The following CDKAL1 variants were observed in gnomAD, a reference collection of about 807,000 sequenced individuals.
CDKAL1 encodes the protein threonylcarbamoyladenosine tRNA methylthiotransferase.
Under a neutral mutation model 68.2 loss-of-function variants are expected in CDKAL1, and 32 were observed. The observed-to-expected ratio is 0.47, with a 90% CI of 0.35 to 0.63. The LOEUF (loss-of-function observed/expected upper bound fraction) is 0.63. Among genes scored for constraint, CDKAL1 ranks in the 30% least tolerant of loss-of-function variants. The probability of loss-of-function intolerance (pLI) is 0.00; values close to 1 mark genes in which losing one functional copy is unlikely to be tolerated. For synonymous variants in CDKAL1, 234 were observed against 244.3 expected, an observed-to-expected ratio of 0.96 and a Z score of 0.39; for missense variants, 606 against 696.7, an observed-to-expected ratio of 0.87 and a Z score of 1.47.
At chr6:20,934,487 T>G (rs991308697) in intron 9 of CDKAL1, among the ~76,000 whole-genome samples, 30 of 152,090 alleles carry the variant, frequency 2.0e-4, no homozygotes, top group African/African-American at 7.2e-4. Flanking sequence ...TGTTTCTCAT[T>G]TTCTTAGTTG....
intron 2 of CDKAL1, among the ~76,000 whole-genome samples, chr6:20,538,855 T>G (rs1444985899): frequency 6.6e-6 from 1 of 152,232 alleles, no homozygotes; most frequent in Non-Finnish European, 1.5e-5. Flanking sequence ...ATTGTGTTCA[T>G]TCATTTAGTC....
chr6:20,636,061 T>C (rs569117827), intron 4 of CDKAL1, among the ~76,000 whole-genome samples: 2 of 152,260 alleles, frequency 1.3e-5, no homozygotes, highest in East Asian at 3.9e-4. Flanking sequence ...CCTCTGGGTA[T>C]AGGGAGGGCA....
chr6:20,882,727 A>G (rs1044826893), intron 9 of CDKAL1, among the ~76,000 whole-genome samples: 2 of 152,184 alleles, frequency 1.3e-5, no homozygotes, highest in African/African-American at 2.4e-5. Context: ...TGGGGCAATT[A>G]TGAATAAAGC....
chr6:20,856,904 T>C (rs1439542732), intron 9 of CDKAL1, among the ~76,000 whole-genome samples: 1 of 152,228 alleles, frequency 6.6e-6, no homozygotes, highest in Non-Finnish European at 1.5e-5. Flanking sequence ...CAGCCTTTAT[T>C]GATTCCGCAG....
chr6:21,155,792 A>G (rs945433153), intron 13 of CDKAL1, among the ~76,000 whole-genome samples: 2 of 152,230 alleles, frequency 1.3e-5, no homozygotes, highest in Non-Finnish European at 2.9e-5. Context: ...GCAGCCTGAC[A>G]GTGTGTGTCC....
At chr6:21,117,522 A>G (rs963585937) in intron 13 of CDKAL1, among the ~76,000 whole-genome samples, 1 of 151,782 alleles carries the variant, frequency 6.6e-6, no homozygotes, top group Admixed American at 6.6e-5. Flanking sequence ...GGGCGCCTGT[A>G]GCTACTTGGG....
chr6:20,638,571 T>C (rs972491365), intron 4 of CDKAL1, among the ~76,000 whole-genome samples: 6 of 151,794 alleles, frequency 4.0e-5, no homozygotes, highest in African/African-American at 1.5e-4. Flanking sequence ...TCTTGGTTTA[T>C]AAAACTTTTT....
chr6:21,219,877 A>G (rs927201934), intron 15 of CDKAL1, among the ~76,000 whole-genome samples: 4 of 152,228 alleles, frequency 2.6e-5, no homozygotes, highest in African/African-American at 9.6e-5. Flanking sequence ...ATGAAGTTTA[A>G]TACACCCAAT....
chr6:21,020,962 T>C (rs1317828456), intron 11 of CDKAL1, among the ~76,000 whole-genome samples: 1 of 152,096 alleles, frequency 6.6e-6, no homozygotes, highest in African/African-American at 2.4e-5. Flanking sequence ...AGAGAAAGAA[T>C]GCTAAAGCAA....
At chr6:20,578,844 C>G (rs1765021235) in intron 4 of CDKAL1, among the ~76,000 whole-genome samples, 1 of 152,126 alleles carries the variant, frequency 6.6e-6, no homozygotes, top group African/African-American at 2.4e-5. Flanking sequence ...GGACTAAGTA[C>G]TAAGCATTGT....
At chr6:20,841,026 G>A (rs114217216) in intron 8 of CDKAL1, among the ~76,000 whole-genome samples, 3,933 of 152,236 alleles carry the variant, frequency 0.026, 183 homozygotes, top group African/African-American at 0.089. Flanking sequence ...GTGGAGACAA[G>A]GTCTCACTAT....
At chr6:21,042,143 G>C (rs1311833903) in intron 11 of CDKAL1, among the ~76,000 whole-genome samples, 4 of 152,076 alleles carry the variant, frequency 2.6e-5, no homozygotes, top group Admixed American at 2.6e-4. Flanking sequence ...AGGCACTCAA[G>C]TCTTAATCCA....
intron 8 of CDKAL1, among the ~76,000 whole-genome samples, chr6:20,815,311 AG>A (rs1211319345): frequency 6.6e-6 from 1 of 152,146 alleles, no homozygotes; most frequent in African/African-American, 2.4e-5. Flanking sequence ...TAGTTTATAT[AG>A]TACTTGTATG....
chr6:21,114,817 A>G (rs1774325750), intron 13 of CDKAL1, among the ~76,000 whole-genome samples: 1 of 152,236 alleles, frequency 6.6e-6, no homozygotes, highest in African/African-American at 2.4e-5. Context: ...GTAGTGTATC[A>G]GGACAATGAA....
intron 11 of CDKAL1, among the ~76,000 whole-genome samples, chr6:21,063,395 A>G (rs1162384895): frequency 6.6e-6 from 1 of 152,238 alleles, no homozygotes; most frequent in Non-Finnish European, 1.5e-5. Context: ...CTAAATGGCC[A>G]CAAGGAAATG....
At chr6:20,888,420 G>T (rs1761200767) in intron 9 of CDKAL1, among the ~76,000 whole-genome samples, 2 of 147,226 alleles carry the variant, frequency 1.4e-5, no homozygotes, top group Admixed American at 6.8e-5. Flanking sequence ...TGCACAATGT[G>T]CAGGTTTGTT....
rs114803671 is a variant in CDKAL1, at chr6:20,819,989, C to T, written c.639-26086C>T. Among the ~76,000 whole-genome samples, 1,022 of 152,270 alleles carry T rather than the reference C, an allele frequency of 6.7e-3. 17 individuals are homozygous for T. Among genetic ancestry groups the T allele is most frequent in the African/African-American group, 0.024 (978 of 41,548 alleles). ...CCGCAGCAGCACTACGTAGAAGAGG[C>T]TTTCTCTGTCTAGAACTCCTATAGG... On this transcript the variant is annotated intron_variant, in intron 8 of 15. Transcript: ENST00000274695.
chr6:20,797,668 T>C (rs919498908), intron 8 of CDKAL1, among the ~76,000 whole-genome samples: 6 of 152,134 alleles, frequency 3.9e-5, no homozygotes, highest in African/African-American at 1.4e-4. Flanking sequence ...AAGGAATGAA[T>C]GATTGACATC....
intron 5 of CDKAL1, among the ~76,000 whole-genome samples, chr6:20,657,695 C>T (rs1019415153): frequency 6.6e-6 from 1 of 151,838 alleles, no homozygotes; most frequent in Non-Finnish European, 1.5e-5. Flanking sequence ...ATTATTTTGT[C>T]GTTTGTTTTG....
Sources: allele counts gnomAD v4.1 joint callset (sites outside exome capture counted in the v4.1 genomes callset), GRCh38; gene constraint gnomAD v4.1.1; transcripts MANE v1.5; gene names NCBI Gene and HGNC (gene_info 2026-07-23, HGNC 2026-07-21).